CEP112: variants seen among roughly 807,000 people sequenced by gnomAD.
CEP112 encodes centrosomal protein of 112 kDa.
A neutral mutation model predicts 153.0 loss-of-function variants in CEP112; 127 were observed. The ratio of observed to expected loss-of-function variants is 0.83; its 90% CI spans 0.72 to 0.96. The LOEUF (loss-of-function observed/expected upper bound fraction) is 0.96. Ranked by LOEUF, CEP112 falls within the 40% of genes least tolerant of loss-of-function variation. The pLI is 0.00. For missense variants in CEP112, 1,089 were observed against 1,101.2 expected (o/e 0.99, Z 0.16); for synonymous variants, 358 against 374.4 (o/e 0.96, Z 0.51).
chr17:65,999,302 C>T (rs57360431), intron 17 of CEP112, among the ~76,000 whole-genome samples: 77,845 of 151,062 alleles, frequency 0.52, 21,002 homozygotes, highest in African/African-American at 0.59. Context: ...CCTGGGTTCA[C>T]GCCATTCTCC....
chr17:66,170,630 G>T (rs1408704271), intron 4 of CEP112, among the ~76,000 whole-genome samples: 1 of 152,068 alleles, frequency 6.6e-6, no homozygotes, highest in African/African-American at 2.4e-5. Context: ...AGGCATGGTG[G>T]TACGCACCTG....
At chr17:65,796,382 T>C (rs2054912744) in intron 21 of CEP112, among the ~76,000 whole-genome samples, 1 of 152,198 alleles carries the variant, frequency 6.6e-6, no homozygotes, top group Admixed American at 6.5e-5. Context: ...CTGGGGCTCA[T>C]CTGTTGCAGG....
At chr17:66,116,065 AC>A (rs1015845574) in intron 6 of CEP112, among the ~76,000 whole-genome samples, 2 of 152,172 alleles carry the variant, frequency 1.3e-5, no homozygotes, top group Non-Finnish European at 2.9e-5. Flanking sequence ...GAAAATTTTG[AC>A]CCAGCAGAGG....
At chr17:65,665,249 C>CCTA (rs1340089112) in intron 24 of CEP112, among the ~76,000 whole-genome samples, 1 of 152,102 alleles carries the variant, frequency 6.6e-6, no homozygotes, top group Non-Finnish European at 1.5e-5. Flanking sequence ...CAAGCCTAGC[C>CCTA]CTACACCAAA....
chr17:65,740,104 A>T (rs1028355184), intron 23 of CEP112, among the ~76,000 whole-genome samples: 1 of 152,210 alleles, frequency 6.6e-6, no homozygotes, highest in Admixed American at 6.6e-5. Flanking sequence ...AAATGAGCTC[A>T]TATCTATATG....
At chr17:65,801,984 T>G (rs73344805) in intron 21 of CEP112, among the ~76,000 whole-genome samples, 1,564 of 152,258 alleles carry the variant, frequency 0.01, 33 homozygotes, top group African/African-American at 0.036. Flanking sequence ...GGAAATCAGA[T>G]TCTCTTCCTT....
In CEP112 at chr17:65,798,093, G is replaced by T. The variant is rs1305593936; in HGVS notation, c.2395-47369C>A. On this transcript the variant is annotated intron_variant, in intron 21 of 26. Transcript: ENST00000535342. ...CTAGCTGAGTTTGCAGAGCTTCAAG[G>T]TCCCTTCTGGAATCCCACTGGTTTT... Among the ~76,000 whole-genome samples the T allele has an allele frequency of 2.0e-5, 3 of 151,984 alleles. No individual in the cohort carries two copies. The East Asian group carries it at 5.8e-4, about 29-fold the overall frequency.
intron 23 of CEP112, among the ~76,000 whole-genome samples, chr17:65,709,927 G>C (rs1348929488): frequency 6.6e-6 from 1 of 152,112 alleles, no homozygotes; most frequent in Non-Finnish European, 1.5e-5. Flanking sequence ...ATCATCAGTA[G>C]TTCTGCTCTA....
intron 9 of CEP112, among the ~76,000 whole-genome samples, 171 bp downstream of exon 9, chr17:66,069,744 A>G (rs1172302276): frequency 6.6e-6 from 1 of 152,140 alleles, no homozygotes; most frequent in Non-Finnish European, 1.5e-5. Context: ...TAAAAAATCA[A>G]CTTTTGCTGG....
chr17:65,974,722 A>G (rs1359355011), intron 17 of CEP112, among the ~76,000 whole-genome samples: 1 of 152,218 alleles, frequency 6.6e-6, no homozygotes, highest in Admixed American at 6.5e-5. Context: ...AAAAGTATCC[A>G]TGCCTTTCGT....
At chr17:65,815,411 T>C (rs1047217932) in intron 21 of CEP112, among the ~76,000 whole-genome samples, 3 of 152,126 alleles carry the variant, frequency 2.0e-5, no homozygotes, top group Non-Finnish European at 4.4e-5. Flanking sequence ...TACCACATTC[T>C]CTTGATTACT....
At chr17:65,647,173 G>GTTTTTTT (rs771331024) in intron 24 of CEP112, among the ~76,000 whole-genome samples, 8 of 126,584 alleles carry the variant, frequency 6.3e-5, no homozygotes, top group Admixed American at 8.7e-5. Context: ...CTTGATTCTT[G>GTTTTTTT]TTTTTTTTTT....
At position 66,029,984 on chromosome 17, in the gene CEP112, G is replaced by C; in HGVS notation, c.1258C>G (p.Leu420Val). ...IKELEARVQQ[L>V]TGEAENSNLQ... ...TTACTGTTCTCTGCTTCTCCAGTCAGCTGCTGGACACGGGCCTCCAGTTCT... is the reference window on the plus strand; with the variant it reads ...TTACTGTTCTCTGCTTCTCCAGTCACCTGCTGGACACGGGCCTCCAGTTCT... The change falls in exon 13 of 27, where the codon CTG becomes GTG. Residue 420 changes from leucine to valine, a missense_variant. Physicochemically the swap from Leu to Val is conservative, Grantham distance 32. Transcript: ENST00000535342. 2 of 1,613,584 alleles carry C rather than the reference G, an allele frequency of 1.2e-6. No homozygotes were observed. The highest frequency in any genetic ancestry group is 1.7e-6 in the Non-Finnish European group (2 of 1,179,724).
chr17:65,907,876 T>C (rs1201100112), intron 19 of CEP112, among the ~76,000 whole-genome samples: 1 of 152,210 alleles, frequency 6.6e-6, no homozygotes, highest in East Asian at 1.9e-4. Flanking sequence ...CTTCTTCATG[T>C]TGGACTAGTA....
At chr17:66,141,614 T>C (rs1393974803) in intron 4 of CEP112, among the ~76,000 whole-genome samples, 1 of 152,190 alleles carries the variant, frequency 6.6e-6, no homozygotes, top group Non-Finnish European at 1.5e-5. Flanking sequence ...TCTCCTCTTC[T>C]ATGGGTTTGA....
At chr17:66,165,822 A>G (rs1318626499) in intron 4 of CEP112, among the ~76,000 whole-genome samples, 1 of 152,268 alleles carries the variant, frequency 6.6e-6, no homozygotes, top group Middle Eastern at 3.4e-3. Flanking sequence ...TTTTGCCACA[A>G]TGCATTCCTG....
At chr17:65,808,242 A>C (rs1034720313) in intron 21 of CEP112, among the ~76,000 whole-genome samples, 4 of 152,206 alleles carry the variant, frequency 2.6e-5, no homozygotes, top group African/African-American at 9.7e-5. Context: ...TTGGAATGGC[A>C]GCATTTACCC....
intron 24 of CEP112, among the ~76,000 whole-genome samples, chr17:65,659,798 C>G (rs1048335150): frequency 6.6e-6 from 1 of 152,166 alleles, no homozygotes; most frequent in African/African-American, 2.4e-5. Context: ...AAATACATAA[C>G]TGACATATAA....
chr17:65,937,551 C>G (rs1205829364), intron 18 of CEP112, among the ~76,000 whole-genome samples: 4 of 102,100 alleles, frequency 3.9e-5, no homozygotes, highest in Admixed American at 1.2e-4. Context: ...CCAGCCGCCC[C>G]GTCCGGGAGG....
Sources: gnomAD v4.1 joint callset for allele counts (sites outside exome capture counted in the v4.1 genomes callset) on GRCh38, gnomAD v4.1.1 for gene constraint, MANE v1.5 for transcripts, NCBI Gene and HGNC (gene_info 2026-07-23, HGNC 2026-07-21) for gene names.